CEP128: variants seen among roughly 807,000 people sequenced by gnomAD.
The protein encoded by CEP128 is centrosomal protein 128, also known as centrosomal protein 128kDa.
In CEP128, 132 loss-of-function variants were observed where a neutral mutation model predicts 156.7. The observed-to-expected ratio is 0.84, with a 90% CI of 0.73 to 0.97. The LOEUF is 0.97. Ranked by LOEUF, CEP128 falls within the 50% of genes least tolerant of loss-of-function variation. CEP128 has a pLI of 0.00. For synonymous variants in CEP128, 469 were observed against 448.9 expected (o/e 1.04, Z -0.57); for missense variants, 1,252 against 1,281.9 (o/e 0.98, Z 0.36).
intron 8 of CEP128, among the ~76,000 whole-genome samples, chr14:80,863,895 TA>T (rs1463847283): frequency 1.3e-5 from 2 of 152,148 alleles, no homozygotes; most frequent in Non-Finnish European, 2.9e-5. Context: ...AATCAAGTTT[TA>T]AAAAAATAAA....
chr14:80,796,134 A>C (rs1230919098), intron 13 of CEP128, among the ~76,000 whole-genome samples: 10 of 152,170 alleles, frequency 6.6e-5, no homozygotes, highest in Non-Finnish European at 2.9e-5. Context: ...TCTGGTGTCC[A>C]TCATACTATG....
At chr14:80,499,579 A>T (rs1369886277) in intron 24 of CEP128, among the ~76,000 whole-genome samples, 1 of 152,190 alleles carries the variant, frequency 6.6e-6, no homozygotes, top group Non-Finnish European at 1.5e-5. Flanking sequence ...GTTTTCAAAC[A>T]GTTTTAGATT....
At chr14:80,702,156 T>C (rs1292657324) in intron 19 of CEP128, among the ~76,000 whole-genome samples, 8 of 152,200 alleles carry the variant, frequency 5.3e-5, no homozygotes, top group Non-Finnish European at 8.8e-5. Context: ...CTCCTGCCAA[T>C]AGAATGTAAG....
chr14:80,643,378 C>A (rs1894501288), intron 19 of CEP128, among the ~76,000 whole-genome samples: 1 of 152,030 alleles, frequency 6.6e-6, no homozygotes, highest in Non-Finnish European at 1.5e-5. Context: ...AGCTGGGAGG[C>A]CTCTGCAAAT....
chr14:80,873,172 G>A (rs1477799462), intron 8 of CEP128, among the ~76,000 whole-genome samples: 1 of 152,132 alleles, frequency 6.6e-6, no homozygotes, highest in Non-Finnish European at 1.5e-5. Context: ...GGGATAGCTG[G>A]GTAAACTAGC....
rs1885229680 is a variant in CEP128, at chr14:80,822,304, G to A, written c.1209+8839C>T. Among the ~76,000 whole-genome samples the A allele has an allele frequency of 2.0e-5, 3 of 152,122 alleles. No individual in the cohort carries two copies. The South Asian group carries it at 6.2e-4, about 32-fold the overall frequency. On this transcript the variant is annotated intron_variant, in intron 13 of 24. Transcript: ENST00000555265. ...AGTTAGTTACTTCCTAGATACAATG[G>A]GGGTACAGGCATTGAGTAAATACAG...
intron 8 of CEP128, among the ~76,000 whole-genome samples, chr14:80,880,459 A>C (rs760949479): frequency 5.9e-5 from 9 of 152,136 alleles, no homozygotes; most frequent in Non-Finnish European, 8.8e-5. Context: ...CATACTACTA[A>C]AAGTAACAGC....
At chr14:80,877,037 GA>G (rs1888316265) in intron 8 of CEP128, among the ~76,000 whole-genome samples, 1 of 152,138 alleles carries the variant, frequency 6.6e-6, no homozygotes, top group African/African-American at 2.4e-5. Flanking sequence ...GCATAAAAGT[GA>G]AAAGCGGGGT....
chr14:80,687,579 C>T (rs1316680631), intron 19 of CEP128, among the ~76,000 whole-genome samples: 1 of 152,008 alleles, frequency 6.6e-6, no homozygotes, highest in Non-Finnish European at 1.5e-5. Flanking sequence ...CTGGAGACTA[C>T]TCAAGGAGAA....
chr14:80,681,700 C>T (rs1896331105), intron 19 of CEP128, among the ~76,000 whole-genome samples: 2 of 152,200 alleles, frequency 1.3e-5, no homozygotes, highest in South Asian at 4.1e-4. Flanking sequence ...TTCCCCTTTG[C>T]CTTCCGCCGT....
chr14:80,800,239 C>G (rs751428823), intron 13 of CEP128, among the ~76,000 whole-genome samples: 1 of 152,082 alleles, frequency 6.6e-6, no homozygotes, highest in African/African-American at 2.4e-5. Context: ...CAGGTTCCCC[C>G]GATACAATGT....
At chr14:80,569,702 G>T (rs1360853009) in intron 20 of CEP128, among the ~76,000 whole-genome samples, 4 of 152,144 alleles carry the variant, frequency 2.6e-5, no homozygotes, top group Non-Finnish European at 5.9e-5. Flanking sequence ...CTAAAGCAGG[G>T]GTAAGCAAAG....
chr14:80,531,899 G>A (rs1054973174), intron 21 of CEP128, among the ~76,000 whole-genome samples: 36 of 152,022 alleles, frequency 2.4e-4, no homozygotes, highest in Admixed American at 7.2e-4. Flanking sequence ...GAACCTGAGC[G>A]TTCCCCCTTC....
chr14:80,864,045 G>A (rs527900338), intron 8 of CEP128, among the ~76,000 whole-genome samples: 3 of 152,166 alleles, frequency 2.0e-5, no homozygotes, highest in African/African-American at 7.2e-5. Flanking sequence ...TTCTTCCTCA[G>A]CCTACTCAAC....
At chr14:80,749,671 A>G (rs1263572500) in intron 18 of CEP128, among the ~76,000 whole-genome samples, 4 of 152,222 alleles carry the variant, frequency 2.6e-5, no homozygotes, top group Non-Finnish European at 4.4e-5. Flanking sequence ...GTTAATGGGT[A>G]TATATAGAAT....
chr14:80,778,108 C>G (rs1900901150), intron 15 of CEP128, 62 bp from the exon 16 acceptor site: 9 of 1,364,472 alleles, frequency 6.6e-6, no homozygotes, highest in Admixed American at 5.8e-5. Flanking sequence ...ACACCAAACA[C>G]ATTACATATT....
intron 16 of CEP128, among the ~76,000 whole-genome samples, chr14:80,765,218 G>A (rs1595366686): frequency 6.6e-6 from 1 of 152,286 alleles, no homozygotes; most frequent in East Asian, 1.9e-4. Flanking sequence ...CATTCATCTG[G>A]TTTGGGCATA....
chr14:80,537,325 T>C (rs1889529308), intron 21 of CEP128, among the ~76,000 whole-genome samples: 1 of 152,204 alleles, frequency 6.6e-6, no homozygotes, highest in Non-Finnish European at 1.5e-5. Flanking sequence ...AAATGAGTGA[T>C]TTGGGTTTTC....
intron 19 of CEP128, among the ~76,000 whole-genome samples, chr14:80,671,863 G>A (rs1895855578): frequency 7.5e-6 from 1 of 134,150 alleles, no homozygotes; most frequent in South Asian, 2.4e-4. Context: ...TGGGTTTTTT[G>A]TGTATGGGGG....
Sources: gnomAD v4.1 joint callset for allele counts (sites outside exome capture counted in the v4.1 genomes callset) on GRCh38, gnomAD v4.1.1 for gene constraint, MANE v1.5 for transcripts, NCBI Gene and HGNC (gene_info 2026-07-23, HGNC 2026-07-21) for gene names.